MYO7B: variants seen among roughly 807,000 people sequenced by gnomAD.
MYO7B encodes unconventional myosin-VIIb.
Under a neutral mutation model 259.7 loss-of-function variants are expected in MYO7B, and 212 were observed. That is an observed-to-expected ratio of 0.82 (90% CI 0.73 to 0.91). MYO7B has a LOEUF of 0.91. Ranked by LOEUF, MYO7B falls within the 40% of genes least tolerant of loss-of-function variation. MYO7B has a pLI of 0.00. For missense variants in MYO7B, 2,732 were observed against 2,813.5 expected, an observed-to-expected ratio of 0.97 and a Z score of 0.66; for synonymous variants, 1,197 against 1,166.4, an observed-to-expected ratio of 1.03 and a Z score of -0.54.
At chr2:127,555,129 G>A (rs767626212) in intron 1 of MYO7B, among the ~76,000 whole-genome samples, 4 of 151,740 alleles carry the variant, frequency 2.6e-5, no homozygotes, top group South Asian at 4.2e-4. Context: ...TTGTATTTTT[G>A]TTAGAGATGG....
In MYO7B at chr2:127,632,866, T is replaced by A. The variant is rs561551853; in HGVS notation, c.5406-392T>A. 1.1e-4 allele frequency among the ~76,000 whole-genome samples: 16 copies of A among 152,080 alleles called. No homozygotes were observed. In the South Asian group the frequency reaches 3.3e-3, roughly 32 times the overall value. ...GAGGAGGGCAGGTTGACTGTAGGAG[T>A]GGCCATAATTTCAGTGGCAGCCGTG... On this transcript the variant is annotated intron_variant, in intron 39 of 47. Coordinates refer to ENST00000409816, the MANE Select transcript of MYO7B (RefSeq NM_001393586.1).
intron 4 of MYO7B, among the ~76,000 whole-genome samples, 182 bp downstream of exon 4, chr2:127,565,567 C>T (rs1678298949): frequency 6.6e-6 from 1 of 152,216 alleles, no homozygotes; most frequent in Non-Finnish European, 1.5e-5. Context: ...GGTGATCCCA[C>T]CCTGGAGGGG....
rs373179267 is a variant in MYO7B at position 127,564,206 on chromosome 2, C to G, written c.72C>G (p.Ile24Met). The G allele has an allele frequency of 1.3e-6, 2 of 1,579,476 alleles. No homozygotes were observed. Among genetic ancestry groups the G allele is most frequent in the African/African-American group, 2.7e-5 (2 of 74,274 alleles). ...CCACCCACAAGACCGGCGTGGCCAT[C>G]GGGGGCATCATCAAAGAGGCAAAGC... The part of the protein sequence containing the change: ...PPSTHKTGVA[I>M]GGIIKEAKPG... Residue 24 changes from isoleucine to methionine, a missense_variant, in exon 3 of 48, where the codon ATC (isoleucine) becomes ATG (methionine). Coordinates refer to ENST00000409816, the MANE Select transcript of MYO7B (RefSeq NM_001393586.1).
At position 127,584,153 on chromosome 2, in the gene MYO7B, G is replaced by C. The variant is rs773278690; in HGVS notation, c.1375G>C (p.Glu459Gln). The C allele has an allele frequency of 2.5e-6, 4 of 1,613,748 alleles. No individual in the cohort carries two copies. Among genetic ancestry groups the C allele is most frequent in the African/African-American group, 1.3e-5 (1 of 75,014 alleles). The change falls in exon 13 of 48, where the codon GAG becomes CAG. Residue 459 changes from glutamate (E) to glutamine (Q), a missense_variant. By Grantham distance (29) the Glu-to-Gln change is conservative (BLOSUM62 2). Around this residue, in one of 3 missense-constraint regions of MYO7B, gnomAD observed 1,906 missense variants for 2,026.4 expected, o/e 0.94. Transcript: ENST00000409816. The surrounding 1 kb of genome is among the most constrained non-coding windows in gnomAD (Gnocchi z 5.8). The part of the protein sequence containing the change: ...FEQLCINFAN[E>Q]HLQQFFVQHV... ...GCAGCTCTGCATCAACTTCGCCAAC[G>C]AGCACCTGCAGCAGTTCTTTGTGCA...
intron 18 of MYO7B, among the ~76,000 whole-genome samples, chr2:127,594,026 C>T (rs987959688): frequency 6.6e-6 from 1 of 152,126 alleles, no homozygotes; most frequent in Non-Finnish European, 1.5e-5. Context: ...TCCTGCCATG[C>T]AGGCTTCCCT....
intron 1 of MYO7B, among the ~76,000 whole-genome samples, chr2:127,540,180 T>TG (rs1426445467): frequency 6.6e-6 from 1 of 151,906 alleles, no homozygotes; most frequent in Non-Finnish European, 1.5e-5. Context: ...TTTTTTTTTT[T>TG]TGAGATGGAG....
chr2:127,537,736 A>G (rs1409249564), intron 1 of MYO7B, among the ~76,000 whole-genome samples: 4 of 151,886 alleles, frequency 2.6e-5, no homozygotes, highest in Admixed American at 2.6e-4. Flanking sequence ...GAGGAGGAGG[A>G]GAAGGAAGGA....
At chr2:127,556,498 T>TTTA (rs1693641237) in intron 1 of MYO7B, among the ~76,000 whole-genome samples, 1 of 152,226 alleles carries the variant, frequency 6.6e-6, no homozygotes, top group Non-Finnish European at 1.5e-5. Context: ...AGATTCATGC[T>TTTA]TTAAAGAGGA....
chr2:127,599,168 T>C (rs1211977082), intron 19 of MYO7B, among the ~76,000 whole-genome samples: 8 of 152,376 alleles, frequency 5.3e-5, no homozygotes, highest in Middle Eastern at 6.8e-3. Context: ...CTCTACTAAA[T>C]CCATCTTCCA....
chr2:127,565,394 C>T lies in MYO7B; in HGVS notation c.285+9C>T, dbSNP rs761017439. The T allele has an allele frequency of 6.2e-7, 1 of 1,613,772 alleles. No individual in the cohort carries two copies. The highest frequency in any genetic ancestry group is 1.1e-5 in the South Asian group (1 of 91,068). On this transcript the variant is annotated intron_variant, in intron 4 of 47. Coordinates refer to ENST00000409816, the MANE Select transcript of MYO7B (RefSeq NM_001393586.1). ...AGCAGCACAAGATCTATGTGAGTCT[C>T]CCCAGCCCTGTGTCCACAGGGGAGC...
Position 127,607,288 on chromosome 2 carries a change from C to G in MYO7B, c.2507C>G (p.Thr836Arg), listed in dbSNP as rs1166874469. The G allele has an allele frequency of 3.2e-6, 5 of 1,551,240 alleles. No homozygotes were observed. The highest frequency in any genetic ancestry group is 4.4e-6 in the Non-Finnish European group (5 of 1,146,982). ...ARQYQAMRQR[T>R]VQLQALCRGY... ...CAGTACCAGGCCATGCGGCAGAGGA[C>G]AGTCCAGCTGCAGGCCCTGTGCAGG... The change falls in exon 21 of 48, where the codon ACA (threonine) becomes AGA (arginine). Residue 836 changes from threonine to arginine, a missense_variant. This residue lies in a region of MYO7B where 1,906 missense variants were observed against 2,026.4 expected (regional missense o/e 0.94). Coordinates refer to ENST00000409816, the MANE Select transcript of MYO7B (RefSeq NM_001393586.1). This position sits in a 1 kb window ranked among gnomAD's most constrained non-coding sequence, Gnocchi z 4.4.
rs1351858011 is a variant in MYO7B at position 127,590,775 on chromosome 2, G to A, written c.1992+546G>A. ...GGGTGGGGAGTCCCACCCAGAGGCC[G>A]CATATGCAGGGATTCCCCAAACTAG... On this transcript the variant is annotated intron_variant, in intron 16 of 47. Transcript: ENST00000409816. This position sits in a 1 kb window ranked among gnomAD's most constrained non-coding sequence, Gnocchi z 4.6. Among the ~76,000 whole-genome samples the A allele has an allele frequency of 5.3e-5, 8 of 152,188 alleles. No individual in the cohort carries two copies. Among genetic ancestry groups the A allele is most frequent in the African/African-American group, 9.7e-5 (4 of 41,436 alleles).
At chr2:127,545,837 G>A (rs2104804418) in intron 1 of MYO7B, among the ~76,000 whole-genome samples, 1 of 152,364 alleles carries the variant, frequency 6.6e-6, no homozygotes, top group South Asian at 2.1e-4. Flanking sequence ...CTCAGCCTGT[G>A]AATCCTTGGA....
chr2:127,634,357 G>C, intron 41 of MYO7B, 68 bp downstream of exon 41: 3 of 1,246,656 alleles, frequency 2.4e-6, no homozygotes, highest in South Asian at 2.9e-5. Flanking sequence ...GGTGCTGCCT[G>C]TGGGGGCCTC....
intron 19 of MYO7B, among the ~76,000 whole-genome samples, 159 bp downstream of exon 19, chr2:127,596,715 G>T (rs1237971053): frequency 6.6e-6 from 1 of 152,214 alleles, no homozygotes; most frequent in Admixed American, 6.5e-5. Context: ...TGCAGCCTAT[G>T]TTGGCCAGAG....
At chr2:127,565,487 C>T in intron 4 of MYO7B, 102 bp downstream of exon 4, 8 of 1,466,798 alleles carry the variant, frequency 5.5e-6, no homozygotes, top group Non-Finnish European at 7.4e-6. Flanking sequence ...GCCCCCCATG[C>T]CCTCACTGAG....
At chr2:127,612,421 A>G in intron 25 of MYO7B, 55 bp from the exon 26 acceptor site, 1 of 1,549,836 alleles carries the variant, frequency 6.5e-7, no homozygotes, top group Non-Finnish European at 8.7e-7. Context: ...CCAGTTTCCT[A>G]CTTGGCAGAT....
rs553700215 is a variant in MYO7B at position 127,576,363 on chromosome 2, G to A, written c.736-232G>A. ...CACAGCAGTGTCAGGGCTTCGAGGA[G>A]CAGTCAAGATGCAGGGAAATGGAGT... On this transcript the variant is annotated intron_variant, in intron 7 of 47. Transcript: ENST00000409816. The surrounding 1 kb of genome is among the most constrained non-coding windows in gnomAD (Gnocchi z 4.9). Among the ~76,000 whole-genome samples the A allele has an allele frequency of 2.0e-5, 3 of 152,334 alleles. No individual in the cohort carries two copies. The highest frequency in any genetic ancestry group is 2.0e-4 in the Admixed American group (3 of 15,310).
intron 21 of MYO7B, 22 bp from the exon 22 acceptor site, chr2:127,608,686 C>A (rs556712959): frequency 1.9e-6 from 3 of 1,598,886 alleles, no homozygotes; most frequent in South Asian, 2.2e-5. Flanking sequence ...CCCTGGGTAA[C>A]CTTCCTCCAC....
Sources: allele counts gnomAD v4.1 joint callset (sites outside exome capture counted in the v4.1 genomes callset), GRCh38; gene constraint gnomAD v4.1.1; regional missense constraint gnomAD v4.1.1; non-coding constraint Gnocchi (gnomAD v3.1); transcripts MANE v1.5; gene names NCBI Gene and HGNC (gene_info 2026-07-23, HGNC 2026-07-21).